Variants in RNLS observed in about 807,000 individuals in gnomAD.
The protein encoded by RNLS is renalase.
RNLS carries 39 observed loss-of-function variants against 39.8 expected under a neutral mutation model. The observed-to-expected ratio is 0.98, with a 90% CI of 0.76 to 1.28. The LOEUF is 1.28. RNLS is among the 50% of genes most tolerant of loss of function. RNLS has a pLI of 0.00. For missense variants in RNLS, 410 were observed against 413.3 expected (o/e 0.99, Z 0.07); for synonymous variants, 147 against 150.7 (o/e 0.98, Z 0.18).
chr10:88,391,217 T>G (rs1852177812), intron 4 of RNLS, among the ~76,000 whole-genome samples: 1 of 152,188 alleles, frequency 6.6e-6, no homozygotes, highest in African/African-American at 2.4e-5. Context: ...TGATATTCCT[T>G]TCTTCTTCTT....
intron 4 of RNLS, among the ~76,000 whole-genome samples, chr10:88,452,874 C>A (rs1165537172): frequency 6.6e-6 from 1 of 152,124 alleles, no homozygotes; most frequent in East Asian, 1.9e-4. Context: ...CTCTCTTGCT[C>A]AATTTTGATG....
intron 4 of RNLS, among the ~76,000 whole-genome samples, chr10:88,459,513 T>C (rs567419560): frequency 1.4e-4 from 22 of 152,280 alleles, no homozygotes; most frequent in African/African-American, 4.8e-4. Context: ...AGGTTGAGTG[T>C]ACCTCCGCTA....
chr10:88,495,392 A>C (rs1845108450), intron 4 of RNLS, among the ~76,000 whole-genome samples: 1 of 152,154 alleles, frequency 6.6e-6, no homozygotes, highest in Non-Finnish European at 1.5e-5. Flanking sequence ...AAGTATGACA[A>C]GGAGGCTTTG....
intron 4 of RNLS, among the ~76,000 whole-genome samples, chr10:88,464,501 C>A (rs1843100158): frequency 6.6e-6 from 1 of 152,028 alleles, no homozygotes; most frequent in Non-Finnish European, 1.5e-5. Context: ...GCAAGTTGTA[C>A]TACATAAAGT....
At position 88,382,030 on chromosome 10, in the gene RNLS, G is replaced by A. The variant is rs187552312; in HGVS notation, c.527-19305C>T. On this transcript the variant is annotated intron_variant, in intron 4 of 6. Transcript: ENST00000331772. The stretch of plus-strand genomic sequence containing the variant: ...TTATCTATGATCACTTTCCCACTAC[G>A]ATGGCAGAGTAGAGTAGTTGTGACA... 3.3e-5 allele frequency among the ~76,000 whole-genome samples: 5 copies of A among 152,020 alleles called. No homozygotes were observed. The East Asian group carries it at 9.6e-4, about 29-fold the overall frequency.
the RNLS span, among the ~76,000 whole-genome samples, chr10:88,242,901 C>T: frequency 1.3e-5 from 2 of 152,124 alleles, no homozygotes; most frequent in African/African-American, 4.8e-5. Flanking sequence ...GAGCCAAGAT[C>T]ATGCCATTGC....
chr10:88,450,052 T>C (rs1285692497), intron 4 of RNLS, among the ~76,000 whole-genome samples: 1 of 150,540 alleles, frequency 6.6e-6, no homozygotes, highest in Non-Finnish European at 1.5e-5. Context: ...AAAAAAAAGA[T>C]CTGTAAGTTG....
the RNLS span, among the ~76,000 whole-genome samples, chr10:88,234,143 T>C: frequency 6.7e-6 from 1 of 149,616 alleles, no homozygotes; most frequent in Non-Finnish European, 1.5e-5. Context: ...CAAGTGACAA[T>C]GGGAGATTGG....
chr10:88,219,259 A>G, the RNLS span, among the ~76,000 whole-genome samples: 1 of 152,234 alleles, frequency 6.6e-6, no homozygotes, highest in Admixed American at 6.5e-5. Context: ...GAAAAATCAC[A>G]GCCTAGCCTC....
chr10:88,542,301 GA>G (rs1298456598), intron 4 of RNLS, among the ~76,000 whole-genome samples: 1 of 152,106 alleles, frequency 6.6e-6, no homozygotes, highest in African/African-American at 2.4e-5. Flanking sequence ...GAAGTCCAGG[GA>G]GTCAGCACGT....
At chr10:88,301,208 C>T (rs963196284) in intron 6 of RNLS, among the ~76,000 whole-genome samples, 54 of 152,124 alleles carry the variant, frequency 3.5e-4, no homozygotes, top group African/African-American at 1.2e-3. Flanking sequence ...TGGAATTTTG[C>T]GAAAAGGGGA....
the RNLS span, among the ~76,000 whole-genome samples, chr10:88,246,907 A>T: frequency 4.6e-5 from 7 of 152,222 alleles, no homozygotes; most frequent in African/African-American, 1.7e-4. Context: ...AATAAAGCTC[A>T]CACAGGCTAA....
chr10:88,195,272 T>G, the RNLS span, among the ~76,000 whole-genome samples: 27,126 of 152,220 alleles, frequency 0.18, 2,574 homozygotes, highest in African/African-American at 0.21. Context: ...ATTAGTTACC[T>G]TATCTGATTT....
At chr10:88,290,071 A>G (rs950702790) in intron 6 of RNLS, among the ~76,000 whole-genome samples, 10 of 151,460 alleles carry the variant, frequency 6.6e-5, no homozygotes, top group African/African-American at 2.2e-4. Context: ...TGTGAAAATG[A>G]AATTAAAGAT....
At chr10:88,549,861 T>A (rs1564891313) in intron 4 of RNLS, among the ~76,000 whole-genome samples, 2 of 152,350 alleles carry the variant, frequency 1.3e-5, no homozygotes, top group South Asian at 4.1e-4. Context: ...TTTTAAAACT[T>A]CTCCATGTAT....
chr10:88,582,982 G>A lies in RNLS; in HGVS notation c.118+91C>T, dbSNP rs1371227656. On this transcript the variant is annotated intron_variant, in intron 1 of 6. Coordinates refer to ENST00000331772, the MANE Select transcript of RNLS (RefSeq NM_001031709.3). ...AGGGAGCTGAGGGTATAGCGTTTTCGCCTTAGACTTTCTTGGGTGCAGGCC... is the reference window on the plus strand; with the variant it reads ...AGGGAGCTGAGGGTATAGCGTTTTCACCTTAGACTTTCTTGGGTGCAGGCC... 8 of 1,427,972 alleles carry A rather than the reference G, an allele frequency of 5.6e-6. No individual in the cohort carries two copies. In the East Asian group the frequency reaches 1.0e-4, roughly 18 times the overall value. 88.5% of individuals were successfully genotyped at this position (1,427,972 alleles called of 1,614,324 possible).
intron 4 of RNLS, among the ~76,000 whole-genome samples, chr10:88,525,921 C>T (rs551649476): frequency 1.3e-5 from 2 of 152,068 alleles, no homozygotes; most frequent in East Asian, 3.9e-4. Flanking sequence ...GTCTCCTCAG[C>T]CCCTTAGGAA....
intron 4 of RNLS, among the ~76,000 whole-genome samples, chr10:88,443,886 C>T (rs572272793): frequency 1.3e-5 from 2 of 152,350 alleles, no homozygotes; most frequent in South Asian, 2.1e-4. Context: ...GTAGACTCCA[C>T]CTCTCGGGGC....
At chr10:88,470,349 C>T (rs1235882592) in intron 4 of RNLS, among the ~76,000 whole-genome samples, 1 of 152,048 alleles carries the variant, frequency 6.6e-6, no homozygotes, top group African/African-American at 2.4e-5. Flanking sequence ...ATAGTAAAGA[C>T]ATGGAATCAA....
Sources: allele counts gnomAD v4.1 joint callset (sites outside exome capture counted in the v4.1 genomes callset), GRCh38; gene constraint gnomAD v4.1.1; transcripts MANE v1.5; gene names NCBI Gene and HGNC (gene_info 2026-07-23, HGNC 2026-07-21).